The following SKOR2 variants were observed in gnomAD, a reference collection of about 807,000 sequenced individuals.
SKOR2 encodes LBX1 corepressor 1-like protein.
A neutral mutation model predicts 69.1 loss-of-function variants in SKOR2; 47 were observed. The ratio of observed to expected loss-of-function variants is 0.68; its 90% confidence interval spans 0.54 to 0.87. SKOR2 has a LOEUF of 0.87. SKOR2 is among the 40% of genes least tolerant of loss of function. SKOR2 has a pLI of 0.00. For missense variants in SKOR2, 1,404 were observed against 1,472.2 expected, an observed-to-expected ratio of 0.95 and a Z score of 0.76; for synonymous variants, 717 against 672.6, an observed-to-expected ratio of 1.07 and a Z score of -1.02.
intron 6 of SKOR2, among the ~76,000 whole-genome samples, chr18:47,225,287 A>G (rs2064174869): frequency 6.6e-6 from 1 of 152,256 alleles, no homozygotes; most frequent in Non-Finnish European, 1.5e-5. Flanking sequence ...GTAATAACCA[A>G]CTGGCCTTTC....
At chr18:47,222,485 G>A (rs1386214356) in intron 6 of SKOR2, among the ~76,000 whole-genome samples, 1 of 152,182 alleles carries the variant, frequency 6.6e-6, no homozygotes, top group Admixed American at 6.5e-5. Context: ...ACCTCACCAG[G>A]TCAGGATGCT....
At chr18:47,229,548 G>A (rs1157620799) in intron 6 of SKOR2, among the ~76,000 whole-genome samples, 2 of 152,070 alleles carry the variant, frequency 1.3e-5, no homozygotes, top group African/African-American at 2.4e-5. Flanking sequence ...CAGCTACTCC[G>A]GAGGCTGAGA....
intron 6 of SKOR2, among the ~76,000 whole-genome samples, chr18:47,227,354 T>C (rs1600032796): frequency 1.4e-5 from 2 of 138,386 alleles, no homozygotes; most frequent in Non-Finnish European, 1.5e-5. Flanking sequence ...TTTTTTTTTT[T>C]GGAGACGGAG....
chr18:47,248,772 TG>T lies in SKOR2; in HGVS notation c.411del (p.Lys138SerfsTer122), dbSNP rs773083423. ...TCGAAGGCGAAATTGTCTGGCAGCT[TG>T]GGCGGCCTGTTTTCGCCCAGGAACG... is the stretch of plus-strand genomic sequence containing the variant. ...CKSFLGENRP[P>X]KLPDNFAFDV... On this transcript the variant is annotated frameshift_variant, in exon 2 of 9. Coordinates refer to ENST00000425639, the MANE Select transcript of SKOR2 (RefSeq NM_001278063.4). LOFTEE classifies it high-confidence loss of function. This position sits in a 1 kb window ranked among gnomAD's most constrained non-coding sequence, Gnocchi z 6.4. 1 of 1,550,106 alleles carries T rather than the reference TG, an allele frequency of 6.5e-7. No homozygotes were observed.
At chr18:47,216,604 C>T (rs1436226850) in intron 7 of SKOR2, among the ~76,000 whole-genome samples, 1 of 152,042 alleles carries the variant, frequency 6.6e-6, no homozygotes, top group Non-Finnish European at 1.5e-5. Flanking sequence ...AATGCAGGAG[C>T]CAAAGAAATT....
At chr18:47,250,511 A>G (rs77243045) in intron 1 of SKOR2, among the ~76,000 whole-genome samples, 4,497 of 152,314 alleles carry the variant, frequency 0.03, 214 homozygotes, top group African/African-American at 0.1. Context: ...GCCCTGAAAA[A>G]TCACCAGAGG....
chr18:47,246,803 G>T lies in SKOR2; in HGVS notation c.2381C>A (p.Ser794Ter). ...GGRFLQGRGP[S>*]EKGSSRDRAP... Reference sequence around the variant, plus strand: ...GCGGTCCCGGCTGCTCCCCTTCTCCGACGGCCCTCGGCCCTGGAGGAACCG... The same window carrying T: ...GCGGTCCCGGCTGCTCCCCTTCTCCTACGGCCCTCGGCCCTGGAGGAACCG... The change falls in exon 2 of 9, where the codon TCG (serine) becomes TAG (stop). Residue 794 changes from serine to a stop codon, truncating the protein, a stop_gained. Transcript: ENST00000425639. LOFTEE classifies it high-confidence loss of function. 1 of 1,414,958 alleles carries T rather than the reference G, an allele frequency of 7.1e-7. No individual in the cohort carries two copies. The highest frequency in any genetic ancestry group is 9.1e-7 in the Non-Finnish European group (1 of 1,093,858). 87.7% of individuals were successfully genotyped at this position (1,414,958 alleles called of 1,614,324 possible).
At chr18:47,246,099 C>T (rs891233987) in intron 2 of SKOR2, among the ~76,000 whole-genome samples, 4 of 152,178 alleles carry the variant, frequency 2.6e-5, no homozygotes, top group African/African-American at 9.7e-5. Flanking sequence ...GCAGTTAAAA[C>T]TGCATTTAAC....
intron 4 of SKOR2, among the ~76,000 whole-genome samples, chr18:47,238,320 C>CTTTTT (rs772229985): frequency 4.1e-3 from 446 of 107,874 alleles, no homozygotes; most frequent in East Asian, 5.8e-3. Flanking sequence ...CTTTTCTTTT[C>CTTTTT]TTTTTTTTTT....
At chr18:47,225,184 T>G (rs982137766) in intron 6 of SKOR2, among the ~76,000 whole-genome samples, 1 of 152,158 alleles carries the variant, frequency 6.6e-6, no homozygotes, top group Non-Finnish European at 1.5e-5. Context: ...TAACAGTAAT[T>G]TGGAAGAGCA....
Position 47,247,688 on chromosome 18 carries a change from A to G in SKOR2, c.1496T>C (p.Leu499Pro). ...GCGCAGCAGGGCCGGGCTTTCGCCT[A>G]GCGCGCAGCCTAGCGCCGAGGGCGG... ...PQPPSALGCALGESPALLRQA... is the reference protein window; with the variant it reads ...PQPPSALGCAPGESPALLRQA... Residue 499 changes from leucine (L) to proline (P), a missense_variant, in exon 2 of 9, where the codon CTA becomes CCA. Physicochemically the swap from Leu to Pro is moderately conservative, Grantham distance 98. Coordinates refer to ENST00000425639, the MANE Select transcript of SKOR2 (RefSeq NM_001278063.4). This position sits in a 1 kb window ranked among gnomAD's most constrained non-coding sequence, Gnocchi z 6.6. 1 of 1,368,954 alleles carries G rather than the reference A, an allele frequency of 7.3e-7. No individual in the cohort carries two copies. The highest frequency in any genetic ancestry group is 9.4e-7 in the Non-Finnish European group (1 of 1,066,846). 84.8% of individuals were successfully genotyped at this position (1,368,954 alleles called of 1,614,324 possible). A position where few individuals can be genotyped will look rare whatever the true frequency, so the allele number is the denominator to read the frequency against.
chr18:47,244,742 T>G (rs1375321010), intron 4 of SKOR2, among the ~76,000 whole-genome samples, 166 bp downstream of exon 4: 4 of 152,230 alleles, frequency 2.6e-5, no homozygotes, highest in Non-Finnish European at 4.4e-5. Context: ...ATAATCTTAT[T>G]GCTATTAATG....
intron 4 of SKOR2, among the ~76,000 whole-genome samples, chr18:47,239,923 T>C (rs1208782440): frequency 6.6e-6 from 1 of 152,128 alleles, no homozygotes; most frequent in Non-Finnish European, 1.5e-5. Context: ...GTGAGGGAAT[T>C]AAAACTCAGA....
rs961693591 is a variant in SKOR2, at chr18:47,247,124, C to T, written c.2060G>A (p.Gly687Asp). ...LLLPPQPDEP[G>D]SERHHPAPPP... is the part of the protein sequence containing the mutation. The stretch of plus-strand genomic sequence containing the variant: ...CGGGGCCGGGTGGTGGCGCTCGGAA[C>T]CCGGCTCGTCGGGCTGCGGGGGCAG... The change falls in exon 2 of 9, where the codon GGT becomes GAT. Residue 687 changes from glycine to aspartate, a missense_variant. Gly to Asp is a moderately conservative substitution (Grantham distance 94). Around this residue, in one of 3 missense-constraint regions of SKOR2, gnomAD observed 1,266 missense variants for 1,309.9 expected, o/e 0.97. Transcript: ENST00000425639. This position sits in a 1 kb window ranked among gnomAD's most constrained non-coding sequence, Gnocchi z 6.6. 3 of 1,285,204 alleles carry T rather than the reference C, an allele frequency of 2.3e-6. No individual in the cohort carries two copies. The African/African-American group carries it at 4.8e-5, about 21-fold the overall frequency. 79.6% of individuals were successfully genotyped at this position (1,285,204 alleles called of 1,614,324 possible).
chr18:47,219,888 G>C, intron 7 of SKOR2, 55 bp downstream of exon 7: 1 of 1,453,388 alleles, frequency 6.9e-7, no homozygotes, highest in East Asian at 2.5e-5. Context: ...ATATTGGGTA[G>C]TCTGAAAACA....
intron 6 of SKOR2, among the ~76,000 whole-genome samples, chr18:47,224,999 T>C (rs1004669414): frequency 6.6e-6 from 1 of 152,072 alleles, no homozygotes; most frequent in Non-Finnish European, 1.5e-5. Context: ...GAATCTGCCC[T>C]GCCACCCCGA....
At position 47,244,961 on chromosome 18, in the gene SKOR2, A is replaced by C; in HGVS notation, c.2699T>G (p.Phe900Cys). 2 of 1,535,846 alleles carry C rather than the reference A, an allele frequency of 1.3e-6. No homozygotes were observed. The highest frequency in any genetic ancestry group is 1.7e-6 in the Non-Finnish European group (2 of 1,146,654). ...SFSDKNKEHS[F>C]FITDSDASGG... ...AGAAGCATCAGAGTCTGTGATGAAA[A>C]AGCTATGCTCCTTGTTCTTATCTAG... Residue 900 changes from phenylalanine (F) to cysteine (C), a missense_variant, in exon 4 of 9, where the codon TTT becomes TGT. Transcript: ENST00000425639.
At chr18:47,224,668 G>T (rs1382590831) in intron 6 of SKOR2, among the ~76,000 whole-genome samples, 2 of 151,190 alleles carry the variant, frequency 1.3e-5, no homozygotes, top group African/African-American at 4.9e-5. Context: ...AGGCTTGAGT[G>T]CACTGGTGTG....
chr18:47,247,569 C>T lies in SKOR2; in HGVS notation c.1615G>A (p.Gly539Ser), dbSNP rs1396760685. ...GGAGGAGGTGGGCCGGAGCCCGGGCCGTTGGCCACTACCTGCGGGGGCTGC... is the reference window on the plus strand; with the variant it reads ...GGAGGAGGTGGGCCGGAGCCCGGGCTGTTGGCCACTACCTGCGGGGGCTGC... ...PGQPPQVVAN[G>S]PGSGPPPPAG... The change falls in exon 2 of 9, where the codon GGC becomes AGC. Residue 539 changes from glycine (G) to serine (S), a missense_variant. Physicochemically the swap from Gly to Ser is moderately conservative, Grantham distance 56. This residue lies in a region of SKOR2 where 1,266 missense variants were observed against 1,309.9 expected (regional missense o/e 0.97). Coordinates refer to ENST00000425639, the MANE Select transcript of SKOR2 (RefSeq NM_001278063.4). This position sits in a 1 kb window ranked among gnomAD's most constrained non-coding sequence, Gnocchi z 6.6. 21 of 1,242,510 alleles carry T rather than the reference C, an allele frequency of 1.7e-5. No homozygotes were observed. The highest frequency in any genetic ancestry group is 8.6e-5 in the Admixed American group (2 of 23,166). The allele number at this position is 1,242,510 out of a possible 1,614,324, so 77.0% of individuals were successfully genotyped here. A position where few individuals can be genotyped will look rare whatever the true frequency, so the allele number is the denominator to read the frequency against.
Sources: allele counts gnomAD v4.1 joint callset (sites outside exome capture counted in the v4.1 genomes callset), GRCh38; gene constraint gnomAD v4.1.1; regional missense constraint gnomAD v4.1.1; non-coding constraint Gnocchi (gnomAD v3.1); transcripts MANE v1.5; gene names NCBI Gene and HGNC (gene_info 2026-07-23, HGNC 2026-07-21).